CWC22: variants seen among roughly 807,000 people sequenced by gnomAD.
The protein encoded by CWC22 is pre-mRNA-splicing factor CWC22 homolog.
CWC22 carries 53 observed loss-of-function variants against 117.2 expected under a neutral mutation model. The observed-to-expected ratio is 0.45, with a 90% CI of 0.36 to 0.57. CWC22 has a LOEUF of 0.57. Among genes scored for constraint, CWC22 ranks in the 20% least tolerant of loss-of-function variants. CWC22 has a pLI of 0.00. For missense variants in CWC22, 980 were observed against 1,068.8 expected (o/e 0.92, Z 1.16); for synonymous variants, 360 against 355.6 (o/e 1.01, Z -0.14).
At chr2:179,950,966 T>A (rs1465153749) in intron 17 of CWC22, 40 bp from the exon 18 acceptor site, 1 of 1,248,762 alleles carries the variant, frequency 8.0e-7, no homozygotes, top group African/African-American at 1.5e-5. Context: ...ACACATTGCT[T>A]AAAGATAAAA....
intron 4 of CWC22, among the ~76,000 whole-genome samples, chr2:179,982,286 T>G (rs949440308): frequency 6.6e-6 from 1 of 152,156 alleles, no homozygotes; most frequent in Admixed American, 6.5e-5. Context: ...GCAGGGGTGT[T>G]AAGGTCAGAA....
chr2:179,998,539 T>C (rs1185892165), intron 1 of CWC22, among the ~76,000 whole-genome samples: 1 of 152,100 alleles, frequency 6.6e-6, no homozygotes, highest in South Asian at 2.1e-4. Flanking sequence ...GCCATATATT[T>C]TGTCCCAATG....
intron 13 of CWC22, among the ~76,000 whole-genome samples, chr2:179,964,164 C>T (rs1341785919): frequency 6.6e-6 from 1 of 152,110 alleles, no homozygotes; most frequent in Non-Finnish European, 1.5e-5. Context: ...TGCTTCTTTG[C>T]CTAGAATCAG....
At chr2:180,002,495 A>T (rs1306048641) in intron 1 of CWC22, among the ~76,000 whole-genome samples, 1 of 152,238 alleles carries the variant, frequency 6.6e-6, no homozygotes, top group Non-Finnish European at 1.5e-5. Context: ...AAAAAGAAAA[A>T]TGCTTACAGA....
Position 179,980,422 on chromosome 2 carries a change from T to TA in CWC22, c.452+1329_452+1330insT, listed in dbSNP as rs1170410684. ...TTTTAGATAAATGACATTTCTTATT[T>TA]TTTTTTTTTTTTTGAGGCAGAGTCT... On this transcript the variant is annotated intron_variant, in intron 5 of 19. Coordinates refer to ENST00000410053, the MANE Select transcript of CWC22 (RefSeq NM_020943.3). Among the ~76,000 whole-genome samples, 40 of 150,016 alleles carry TA rather than the reference T, an allele frequency of 2.7e-4. 1 individual carries two copies. The highest frequency in any genetic ancestry group is 1.3e-3 in the Admixed American group (19 of 15,094).
chr2:180,003,897 A>G (rs1687906821), intron 1 of CWC22, among the ~76,000 whole-genome samples: 1 of 152,238 alleles, frequency 6.6e-6, no homozygotes. Flanking sequence ...TATAAAGGCT[A>G]GCTATAATCC....
At chr2:179,964,387 G>A (rs1042723119) in intron 13 of CWC22, among the ~76,000 whole-genome samples, 160 bp downstream of exon 13, 3 of 152,134 alleles carry the variant, frequency 2.0e-5, no homozygotes, top group African/African-American at 7.2e-5. Context: ...AGAACCAACA[G>A]AAAGGTACTA....
At chr2:179,982,208 G>A (rs1010237281) in intron 4 of CWC22, among the ~76,000 whole-genome samples, 2 of 152,134 alleles carry the variant, frequency 1.3e-5, no homozygotes, top group African/African-American at 4.8e-5. Flanking sequence ...CAAGTCGGCA[G>A]GAGGAAGGGG....
At chr2:180,003,999 G>GA (rs1316409745) in intron 1 of CWC22, among the ~76,000 whole-genome samples, 1 of 152,182 alleles carries the variant, frequency 6.6e-6, no homozygotes, top group Non-Finnish European at 1.5e-5. Flanking sequence ...GTTTAAGTCT[G>GA]GGAGTTTGCT....
In CWC22 at chr2:179,993,320, T is replaced by A; in HGVS notation, c.22A>T (p.Ile8Leu). The A allele has an allele frequency of 6.4e-7, 1 of 1,566,040 alleles. No individual in the cohort carries two copies. Among genetic ancestry groups the A allele is most frequent in the Non-Finnish European group, 8.7e-7 (1 of 1,152,532 alleles). Reference protein sequence around the residue: MKSSVAQIKPSSGHDRRE... With the variant: MKSSVAQLKPSSGHDRRE... ...TTTAAGTTTCAAACACTTACTTTTA[T>A]CTGTGCCACACTACTTTTCATTTTC... The change falls in exon 2 of 20, where the codon ATA becomes TTA. Residue 8 changes from isoleucine to leucine, a missense_variant. Around this residue, in one of 3 missense-constraint regions of CWC22, gnomAD observed 559 missense variants for 602.3 expected, o/e 0.93. Transcript: ENST00000410053.
chr2:179,959,098 C>A lies in CWC22; in HGVS notation c.1398-16G>T. On this transcript the variant is annotated splice_polypyrimidine_tract_variant and intron_variant, in intron 13 of 19. Coordinates refer to ENST00000410053, the MANE Select transcript of CWC22 (RefSeq NM_020943.3). ...AAAATCTAAACTGTGGAAATGATCACAATAGGTTAAAAGCTTGCAACATAG... is the reference window on the plus strand; with the variant it reads ...AAAATCTAAACTGTGGAAATGATCAAAATAGGTTAAAAGCTTGCAACATAG... The A allele has an allele frequency of 1.3e-6, 2 of 1,534,380 alleles. No individual in the cohort carries two copies. The highest frequency in any genetic ancestry group is 1.8e-6 in the Non-Finnish European group (2 of 1,127,456).
chr2:179,989,847 A>G (rs1372296537), intron 2 of CWC22, among the ~76,000 whole-genome samples: 1 of 152,184 alleles, frequency 6.6e-6, no homozygotes, highest in Non-Finnish European at 1.5e-5. Flanking sequence ...ATAGCATTTA[A>G]CATACCTTAA....
rs1559282496 is a variant in CWC22, at chr2:179,946,466, G to GAAA, written c.2141-752_2141-751insTTT. 2.8e-3 allele frequency among the ~76,000 whole-genome samples: 285 copies of GAAA among 100,234 alleles called. 4 individuals carry two copies. Among genetic ancestry groups the GAAA allele is most frequent in the African/African-American group, 9.0e-3 (228 of 25,266 alleles). 65.8% of individuals were successfully genotyped at this position (100,234 alleles called of 152,430 possible). A position where few individuals can be genotyped will look rare whatever the true frequency, so the allele number is the denominator to read the frequency against. ...ACTCTGTCCAAAAAAAAAAAAAAAG[G>GAAA]GGGGGGGGGAAGGGGAGGGGAGGGA... On this transcript the variant is annotated intron_variant, in intron 19 of 19. Coordinates refer to ENST00000410053, the MANE Select transcript of CWC22 (RefSeq NM_020943.3).
chr2:179,970,530 T>C lies in CWC22; in HGVS notation c.1181A>G (p.Asn394Ser). The C allele has an allele frequency of 6.5e-7, 1 of 1,544,064 alleles. No individual in the cohort carries two copies. Among genetic ancestry groups the C allele is most frequent in the South Asian group, 1.2e-5 (1 of 83,408 alleles). Residue 394 changes from asparagine to serine, a missense_variant, in exon 11 of 20, where the codon AAT (asparagine) becomes AGT (serine). Transcript: ENST00000410053. ...VFKMDPNFME[N>S]EEKYKAIKKE... ...CTTAATAGCTTTGTACTTCTCTTCA[T>C]TCTCCATAAAATTAGGATCCATCTT...
At chr2:179,981,164 C>A (rs1206357615) in intron 5 of CWC22, among the ~76,000 whole-genome samples, 1 of 152,166 alleles carries the variant, frequency 6.6e-6, no homozygotes, top group African/African-American at 2.4e-5. Flanking sequence ...GCAAACTACA[C>A]CCATGAGCCA....
At chr2:179,973,056 A>T in intron 8 of CWC22, 137 bp downstream of exon 8, 1 of 430,954 alleles carries the variant, frequency 2.3e-6, no homozygotes, top group Non-Finnish European at 4.2e-6. Context: ...TTATAGTTTT[A>T]AAATGAAAAT....
At position 179,993,299 on chromosome 2, in the gene CWC22, A is replaced by T. The variant is rs578090094; in HGVS notation, c.27+16T>A. On this transcript the variant is annotated intron_variant, in intron 2 of 19. Transcript: ENST00000410053. ...CTATAAGTTTACATCCTCCATTTTA[A>T]GTTTCAAACACTTACTTTTATCTGT... is the stretch of plus-strand genomic sequence containing the variant. The T allele has an allele frequency of 3.9e-6, 6 of 1,545,452 alleles. No individual in the cohort carries two copies. The South Asian group carries it at 7.1e-5, about 18-fold the overall frequency.
intron 2 of CWC22, among the ~76,000 whole-genome samples, chr2:179,989,860 T>A (rs1687517624): frequency 6.6e-6 from 1 of 152,152 alleles, no homozygotes; most frequent in Admixed American, 6.5e-5. Flanking sequence ...TACCTTAATC[T>A]TGAAATCTAA....
Position 179,973,756 on chromosome 2 carries a change from T to A in CWC22, c.628A>T (p.Ile210Phe). 1 of 1,611,966 alleles carries A rather than the reference T, an allele frequency of 6.2e-7. No homozygotes were observed. Among genetic ancestry groups the A allele is most frequent in the East Asian group, 2.2e-5 (1 of 44,806 alleles). ...SVLQAQSASPIFTHVYAALVA... is the reference protein window; with the variant it reads ...SVLQAQSASPFFTHVYAALVA... Reference sequence around the variant, plus strand: ...AATGCTGCATAAACATGGGTGAAGATTGGAGAAGCACTCTGTGCTTGCAAA... The same window carrying A: ...AATGCTGCATAAACATGGGTGAAGAATGGAGAAGCACTCTGTGCTTGCAAA... Residue 210 changes from isoleucine (I) to phenylalanine (F), a missense_variant, in exon 7 of 20, where the codon ATC becomes TTC. Physicochemically the swap from Ile to Phe is conservative, Grantham distance 21 (BLOSUM62 0). Coordinates refer to ENST00000410053, the MANE Select transcript of CWC22 (RefSeq NM_020943.3).
Sources: gnomAD v4.1 joint callset for allele counts (sites outside exome capture counted in the v4.1 genomes callset) on GRCh38, gnomAD v4.1.1 for gene constraint, gnomAD v4.1.1 regional missense constraint, MANE v1.5 for transcripts, NCBI Gene and HGNC (gene_info 2026-07-23, HGNC 2026-07-21) for gene names.